Variants in SETBP1 observed in about 807,000 individuals in gnomAD.
SETBP1 encodes the protein SET binding protein 1, also known as SET-binding protein.
SETBP1 carries 9 observed loss-of-function variants against 101.0 expected under a neutral mutation model. The observed-to-expected ratio is 0.09, with a 90% CI of 0.05 to 0.16. The LOEUF is 0.16. SETBP1 is among the 10% of genes least tolerant of loss of function. The pLI is 1.00. For missense variants in SETBP1, 1,858 were observed against 2,033.8 expected, an observed-to-expected ratio of 0.91 and a Z score of 1.66; for synonymous variants, 818 against 788.5, an observed-to-expected ratio of 1.04 and a Z score of -0.63.
chr18:45,016,071 AAAAG>A (rs2072934114), intron 4 of SETBP1, among the ~76,000 whole-genome samples: 1 of 152,210 alleles, frequency 6.6e-6, no homozygotes. Context: ...AACAAACAAC[AAAAG>A]AAAATACAGC....
chr18:44,698,772 A>G (rs779358254), intron 1 of SETBP1, among the ~76,000 whole-genome samples: 6 of 152,218 alleles, frequency 3.9e-5, no homozygotes, highest in Non-Finnish European at 5.9e-5. Flanking sequence ...ATCTCTCATC[A>G]AAAGTGTAAC....
chr18:44,763,906 T>G (rs940470892), intron 2 of SETBP1, among the ~76,000 whole-genome samples: 1 of 152,196 alleles, frequency 6.6e-6, no homozygotes, highest in African/African-American at 2.4e-5. Context: ...GGCTCAGTTC[T>G]CCACCCTCTT....
Position 44,951,902 on chromosome 18 carries a change from C to T in SETBP1, c.2562C>T (p.Ser854=). ...EIGSLKEITL[S]PVSESHSEET... is the part of the protein sequence containing the mutation. ...GCTCCCTAAAGGAAATCACGCTGTCCCCTGTGAGCGAGTCCCACAGTGAGG... is the reference window on the plus strand; with the variant it reads ...GCTCCCTAAAGGAAATCACGCTGTCTCCTGTGAGCGAGTCCCACAGTGAGG... The change falls in exon 4 of 6, where the codon TCC becomes TCT. Residue 854 remains serine (S), a synonymous_variant. Coordinates refer to ENST00000649279, the MANE Select transcript of SETBP1 (RefSeq NM_015559.3). This position sits in a 1 kb window ranked among gnomAD's most constrained non-coding sequence, Gnocchi z 7.8. 6.2e-7 allele frequency: 1 copy of T among 1,614,010 alleles called. No homozygotes were observed. Among genetic ancestry groups the T allele is most frequent in the Non-Finnish European group, 8.5e-7 (1 of 1,180,026 alleles).
At chr18:44,826,272 C>T (rs1027589988) in intron 2 of SETBP1, among the ~76,000 whole-genome samples, 9 of 152,154 alleles carry the variant, frequency 5.9e-5, no homozygotes, top group Non-Finnish European at 1.2e-4. Flanking sequence ...CCCTCTTGCC[C>T]TTTCACCCCT....
intron 2 of SETBP1, among the ~76,000 whole-genome samples, chr18:44,802,388 T>C (rs140747107): frequency 1.4e-4 from 22 of 152,284 alleles, no homozygotes; most frequent in African/African-American, 3.1e-4. Flanking sequence ...AGGCACAGGA[T>C]TGGGGACTTT....
chr18:44,864,443 A>C (rs1363422685), intron 2 of SETBP1, among the ~76,000 whole-genome samples: 2 of 151,392 alleles, frequency 1.3e-5, no homozygotes, highest in South Asian at 4.2e-4. Context: ...TCAAGCTCAG[A>C]GAGAGAGAGA....
intron 2 of SETBP1, among the ~76,000 whole-genome samples, chr18:44,743,798 C>G (rs2070154127): frequency 6.6e-6 from 1 of 152,194 alleles, no homozygotes; most frequent in Admixed American, 6.5e-5. Context: ...CATAGCCACA[C>G]CTCACCCTGC....
chr18:45,045,499 C>T (rs550245425), intron 5 of SETBP1, among the ~76,000 whole-genome samples: 370 of 151,286 alleles, frequency 2.4e-3, no homozygotes, highest in Non-Finnish European at 3.2e-3. Flanking sequence ...AACAAGGGCA[C>T]ATTTTCCTGG....
intron 2 of SETBP1, among the ~76,000 whole-genome samples, chr18:44,711,522 T>A (rs2069343192): frequency 6.7e-6 from 1 of 148,494 alleles, no homozygotes; most frequent in Non-Finnish European, 1.5e-5. Context: ...TCTTTCTTTG[T>A]TGCTTTTTTT....
intron 2 of SETBP1, among the ~76,000 whole-genome samples, chr18:44,734,167 G>A (rs933205414): frequency 5.3e-5 from 8 of 152,200 alleles, no homozygotes; most frequent in Non-Finnish European, 1.0e-4. Flanking sequence ...ATCTCAGATA[G>A]GCAGTATAAG....
intron 4 of SETBP1, among the ~76,000 whole-genome samples, chr18:45,026,255 C>T (rs187520993): frequency 5.9e-5 from 9 of 152,156 alleles, no homozygotes; most frequent in African/African-American, 2.2e-4. Flanking sequence ...GCATAACAAG[C>T]ATACACCAGG....
At chr18:44,894,610 A>G (rs2069849176) in intron 3 of SETBP1, among the ~76,000 whole-genome samples, 1 of 152,136 alleles carries the variant, frequency 6.6e-6, no homozygotes, top group Non-Finnish European at 1.5e-5. Flanking sequence ...ATGTATCTGA[A>G]TATGATATGT....
At chr18:44,823,087 T>C (rs1194407368) in intron 2 of SETBP1, among the ~76,000 whole-genome samples, 2 of 152,192 alleles carry the variant, frequency 1.3e-5, no homozygotes, top group African/African-American at 4.8e-5. Flanking sequence ...ACCTAGATCA[T>C]GCTGCTGCAC....
intron 2 of SETBP1, among the ~76,000 whole-genome samples, chr18:44,825,007 C>T (rs1036709245): frequency 3.9e-5 from 6 of 152,222 alleles, no homozygotes; most frequent in Admixed American, 2.6e-4. Flanking sequence ...TGCAGATTCT[C>T]CTGCACATTA....
At chr18:44,748,333 G>T (rs1483775541) in intron 2 of SETBP1, among the ~76,000 whole-genome samples, 2 of 152,224 alleles carry the variant, frequency 1.3e-5, no homozygotes, top group East Asian at 1.9e-4. Flanking sequence ...TACTTAGGAA[G>T]AAATGTTTAG....
intron 3 of SETBP1, among the ~76,000 whole-genome samples, chr18:44,913,748 A>G (rs2070365835): frequency 3.3e-5 from 5 of 152,152 alleles, no homozygotes. Flanking sequence ...AGCTGTATGT[A>G]TGTTGGCTTT....
At chr18:44,900,725 A>C (rs1352827764) in intron 3 of SETBP1, among the ~76,000 whole-genome samples, 2 of 152,192 alleles carry the variant, frequency 1.3e-5, no homozygotes, top group Admixed American at 6.5e-5. Flanking sequence ...GATTGGTCCC[A>C]GTACTGTTTT....
chr18:44,710,301 TG>T (rs913058634), intron 2 of SETBP1, among the ~76,000 whole-genome samples: 2 of 152,270 alleles, frequency 1.3e-5, no homozygotes, highest in Admixed American at 1.3e-4. Flanking sequence ...CAAGTGGCTT[TG>T]TTCAGAAAGT....
At chr18:44,860,482 C>T (rs2068979157) in intron 2 of SETBP1, among the ~76,000 whole-genome samples, 1 of 152,152 alleles carries the variant, frequency 6.6e-6, no homozygotes, top group Admixed American at 6.5e-5. Flanking sequence ...CGCAGTGGCT[C>T]ATGTCTGTAA....
Sources: allele counts gnomAD v4.1 joint callset (sites outside exome capture counted in the v4.1 genomes callset), GRCh38; gene constraint gnomAD v4.1.1; non-coding constraint Gnocchi (gnomAD v3.1); transcripts MANE v1.5; gene names NCBI Gene and HGNC (gene_info 2026-07-23, HGNC 2026-07-21).